The following AIG1 variants were observed in gnomAD, a reference collection of about 807,000 sequenced individuals.
AIG1 encodes androgen-induced gene 1 protein.
Under a neutral mutation model 31.4 loss-of-function variants are expected in AIG1, and 23 were observed. The observed-to-expected ratio is 0.73, with a 90% CI of 0.53 to 1.04. The LOEUF (loss-of-function observed/expected upper bound fraction) is 1.04, where lower values mean the gene tolerates loss of function less well. AIG1 is among the 50% of genes least tolerant of loss of function. AIG1 has a pLI of 0.00. For missense variants in AIG1, 274 were observed against 295.0 expected (o/e 0.93, Z 0.52); for synonymous variants, 100 against 110.5 (o/e 0.90, Z 0.60).
At chr6:143,107,247 T>G (rs1252194127) in intron 1 of AIG1, among the ~76,000 whole-genome samples, 1 of 152,168 alleles carries the variant, frequency 6.6e-6, no homozygotes, top group Admixed American at 6.5e-5. Flanking sequence ...TTGATTAAGA[T>G]TTTCTTGAGA....
chr6:143,149,394 G>T (rs1426584278), intron 2 of AIG1, among the ~76,000 whole-genome samples: 1 of 151,834 alleles, frequency 6.6e-6, no homozygotes, highest in Non-Finnish European at 1.5e-5. Context: ...AGGCGTGGTG[G>T]CGGGTGCCTG....
At chr6:143,112,848 C>T (rs367849013) in intron 1 of AIG1, among the ~76,000 whole-genome samples, 2 of 152,256 alleles carry the variant, frequency 1.3e-5, no homozygotes, top group East Asian at 3.9e-4. Context: ...AAAATATTAA[C>T]AAATAGGACC....
intron 4 of AIG1, among the ~76,000 whole-genome samples, chr6:143,316,761 G>A (rs9496583): frequency 0.057 from 8,648 of 151,900 alleles, 649 homozygotes; most frequent in African/African-American, 0.17. Flanking sequence ...TACCATTAGC[G>A]AGATTAACCA....
chr6:143,085,414 T>A (rs2128471741), intron 1 of AIG1, among the ~76,000 whole-genome samples: 1 of 152,238 alleles, frequency 6.6e-6, no homozygotes, highest in East Asian at 1.9e-4. Flanking sequence ...CCTGCACCCC[T>A]TTTCCCACCT....
Position 143,333,751 on chromosome 6 carries a change from T to C in AIG1, c.679+306T>C, listed in dbSNP as rs987032808. Among the ~76,000 whole-genome samples the C allele has an allele frequency of 6.6e-6, 1 of 152,174 alleles. No homozygotes were observed. Among genetic ancestry groups the C allele is most frequent in the Non-Finnish European group, 1.5e-5 (1 of 68,038 alleles). On this transcript the variant is annotated intron_variant, in intron 5 of 5. Coordinates refer to ENST00000357847, the MANE Select transcript of AIG1 (RefSeq NM_016108.4). This position sits in a 1 kb window ranked among gnomAD's most constrained non-coding sequence, Gnocchi z 4.6. Reference sequence around the variant, plus strand: ...AAAAAATATATATTAGGGAAATTTGTCCTCATTAACAACACAATGCTGCCT... The same window carrying C: ...AAAAAATATATATTAGGGAAATTTGCCCTCATTAACAACACAATGCTGCCT...
At chr6:143,061,126 GT>G in intron 1 of AIG1, 60 bp downstream of exon 1, 1 of 1,500,218 alleles carries the variant, frequency 6.7e-7, no homozygotes, top group East Asian at 2.3e-5. Flanking sequence ...GCGTGTGTGT[GT>G]GTGTGTGTGT....
At chr6:143,182,874 C>T (rs1387618735) in intron 3 of AIG1, among the ~76,000 whole-genome samples, 1 of 152,190 alleles carries the variant, frequency 6.6e-6, no homozygotes, top group Non-Finnish European at 1.5e-5. Flanking sequence ...ATTCTCTCCT[C>T]CCCTTCATAA....
chr6:143,157,503 G>A lies in AIG1; in HGVS notation c.298-7579G>A, dbSNP rs1241088427. 2.1e-5 allele frequency among the ~76,000 whole-genome samples: 3 copies of A among 143,658 alleles called. No individual in the cohort carries two copies. The Admixed American group carries it at 2.1e-4, about 10-fold the overall frequency. The allele number at this position is 143,658 out of a possible 152,430, so 94.2% of individuals were successfully genotyped here. ...TTTCCCTTCCTTTCTTGTGTGCTCA[G>A]CAATACATTTAAAAGTATATTTGTT... On this transcript the variant is annotated intron_variant, in intron 2 of 5. Coordinates refer to ENST00000357847, the MANE Select transcript of AIG1 (RefSeq NM_016108.4).
chr6:143,238,893 G>A (rs1340661273), intron 3 of AIG1, among the ~76,000 whole-genome samples: 1 of 152,200 alleles, frequency 6.6e-6, no homozygotes, highest in African/African-American at 2.4e-5. Flanking sequence ...AAATGGAAGA[G>A]AACCAGTTAC....
At chr6:143,312,323 A>G (rs1258300760) in intron 4 of AIG1, among the ~76,000 whole-genome samples, 10 of 152,164 alleles carry the variant, frequency 6.6e-5, no homozygotes, top group African/African-American at 9.7e-5. Context: ...CTACAGAGAT[A>G]TATTAATGAA....
chr6:143,333,028 A>G lies in AIG1; in HGVS notation c.516-254A>G, dbSNP rs73777706. ...TTTTAGTCAATTGTCCCAGGATTAT[A>G]CAAGATGTTAACATGAGGGGAAGCT... On this transcript the variant is annotated intron_variant, in intron 4 of 5. Transcript: ENST00000357847. This position sits in a 1 kb window ranked among gnomAD's most constrained non-coding sequence, Gnocchi z 4.6. 5.3e-3 allele frequency among the ~76,000 whole-genome samples: 815 copies of G among 152,354 alleles called. 4 individuals are homozygous for G. The highest frequency in any genetic ancestry group is 0.018 in the African/African-American group (757 of 41,580).
chr6:143,158,250 G>GT (rs1785992718), intron 2 of AIG1, among the ~76,000 whole-genome samples: 4 of 152,078 alleles, frequency 2.6e-5, no homozygotes, highest in Admixed American at 2.6e-4. Context: ...CTGTTTCCAC[G>GT]TTTAGCATCA....
chr6:143,066,659 AAAAG>A (rs1776739765), intron 1 of AIG1, among the ~76,000 whole-genome samples: 1 of 152,250 alleles, frequency 6.6e-6, no homozygotes, highest in Non-Finnish European at 1.5e-5. Flanking sequence ...ATTTGAAAAT[AAAAG>A]AAAGATATGT....
chr6:143,072,110 C>A (rs1777344157), intron 1 of AIG1, among the ~76,000 whole-genome samples: 2 of 152,028 alleles, frequency 1.3e-5, no homozygotes, highest in Admixed American at 1.3e-4. Flanking sequence ...TTTTAATTTT[C>A]ATTTTTCAAA....
chr6:143,244,871 C>T lies in AIG1; in HGVS notation c.400-39239C>T, dbSNP rs376938575. Among the ~76,000 whole-genome samples, 10 of 152,332 alleles carry T rather than the reference C, an allele frequency of 6.6e-5. No homozygotes were observed. The East Asian group carries it at 1.9e-3, about 29-fold the overall frequency. Reference sequence around the variant, plus strand: ...GCTATGTTACCACTAAAGCCTTTCTCACAACCCAAAGCACTTGAACTTACC... The same window carrying T: ...GCTATGTTACCACTAAAGCCTTTCTTACAACCCAAAGCACTTGAACTTACC... On this transcript the variant is annotated intron_variant, in intron 3 of 5. Coordinates refer to ENST00000357847, the MANE Select transcript of AIG1 (RefSeq NM_016108.4).
chr6:143,342,962 TG>T, downstream of AIG1: 2 of 991,368 alleles, frequency 2.0e-6, no homozygotes, highest in Non-Finnish European at 3.3e-6. Context: ...GTGAACATTC[TG>T]GGTCAAGAGC....
chr6:143,181,330 C>A (rs949576247), intron 3 of AIG1, among the ~76,000 whole-genome samples: 1 of 152,132 alleles, frequency 6.6e-6, no homozygotes, highest in Non-Finnish European at 1.5e-5. Context: ...ACAAATAAGA[C>A]CCCCAAAAAC....
At chr6:143,146,625 A>T (rs1184584116) in intron 2 of AIG1, among the ~76,000 whole-genome samples, 1 of 151,976 alleles carries the variant, frequency 6.6e-6, no homozygotes, top group Non-Finnish European at 1.5e-5. Flanking sequence ...AAGGAAACTA[A>T]CTTATTGGCT....
intron 3 of AIG1, among the ~76,000 whole-genome samples, chr6:143,167,030 G>A (rs1787031696): frequency 6.6e-6 from 1 of 152,166 alleles, no homozygotes; most frequent in African/African-American, 2.4e-5. Flanking sequence ...AACATCTTCA[G>A]GGTATTTTGA....
Sources: gnomAD v4.1 joint callset for allele counts (sites outside exome capture counted in the v4.1 genomes callset) on GRCh38, gnomAD v4.1.1 for gene constraint, Gnocchi (gnomAD v3.1) non-coding constraint, MANE v1.5 for transcripts, NCBI Gene and HGNC (gene_info 2026-07-23, HGNC 2026-07-21) for gene names.